The following PDE10A variants were observed in gnomAD, a reference collection of about 807,000 sequenced individuals.
The protein encoded by PDE10A is phosphodiesterase 10A, also known as cAMP and cAMP-inhibited cGMP 3',5'-cyclic phosphodiesterase 10A.
A neutral mutation model predicts 97.7 loss-of-function variants in PDE10A; 39 were observed. The ratio of observed to expected loss-of-function variants is 0.40; its 90% CI spans 0.31 to 0.52. The LOEUF is 0.52. PDE10A is among the 20% of genes least tolerant of loss of function. The pLI, the probability that PDE10A is intolerant of heterozygous loss-of-function variation, is 0.56. For synonymous variants in PDE10A, 371 were observed against 376.8 expected (o/e 0.98, Z 0.18); for missense variants, 731 against 1,047.8 (o/e 0.70, Z 4.17).
intron 1 of PDE10A, among the ~76,000 whole-genome samples, chr6:165,785,685 G>T (rs1434160095): frequency 6.6e-6 from 1 of 152,182 alleles, no homozygotes; most frequent in Non-Finnish European, 1.5e-5. Context: ...TAATTCAGAT[G>T]TCTTCCAAAA....
intron 1 of PDE10A, among the ~76,000 whole-genome samples, chr6:165,678,267 G>A (rs1303501634): frequency 1.1e-5 from 1 of 95,116 alleles, no homozygotes; most frequent in Non-Finnish European, 2.3e-5. Context: ...CGGTGTGTCT[G>A]TGTATGTGTG....
intron 2 of PDE10A, among the ~76,000 whole-genome samples, chr6:165,486,413 A>G (rs1367161008): frequency 6.6e-6 from 1 of 152,226 alleles, no homozygotes; most frequent in African/African-American, 2.4e-5. Context: ...TCTGTATATA[A>G]GTACTACATA....
intron 11 of PDE10A, among the ~76,000 whole-genome samples, chr6:165,417,683 C>A (rs1436199905): frequency 6.6e-6 from 1 of 152,096 alleles, no homozygotes; most frequent in Non-Finnish European, 1.5e-5. Context: ...AACCCAAGTA[C>A]CAATATAGTG....
At chr6:165,879,246 G>A (rs1781416696) in intron 1 of PDE10A, among the ~76,000 whole-genome samples, 1 of 152,190 alleles carries the variant, frequency 6.6e-6, no homozygotes, top group South Asian at 2.1e-4. Context: ...GGCCACCAAT[G>A]TATTACTTGA....
chr6:165,582,796 T>A (rs1290148478), intron 1 of PDE10A, among the ~76,000 whole-genome samples: 1 of 152,144 alleles, frequency 6.6e-6, no homozygotes, highest in Non-Finnish European at 1.5e-5. Flanking sequence ...TTTACTTAGT[T>A]GTCCTTTTCA....
At chr6:165,692,238 G>A (rs573709743) in intron 1 of PDE10A, among the ~76,000 whole-genome samples, 72 of 152,256 alleles carry the variant, frequency 4.7e-4, no homozygotes, top group African/African-American at 1.6e-3. Flanking sequence ...TAAGGGGAGC[G>A]CTGATAAGTC....
chr6:165,543,253 G>A (rs753566065), intron 2 of PDE10A, among the ~76,000 whole-genome samples, 187 bp downstream of exon 2: 4 of 151,822 alleles, frequency 2.6e-5, no homozygotes, highest in South Asian at 4.2e-4. Flanking sequence ...AATTAGTCAC[G>A]GATCTTTCTT....
chr6:165,566,554 G>A (rs548492047), intron 1 of PDE10A, among the ~76,000 whole-genome samples: 64 of 152,254 alleles, frequency 4.2e-4, no homozygotes, highest in African/African-American at 1.4e-3. Flanking sequence ...ATGAACGCCA[G>A]AAAACATAGG....
chr6:165,389,371 GATA>G (rs1436791610), intron 16 of PDE10A, among the ~76,000 whole-genome samples: 1 of 152,186 alleles, frequency 6.6e-6, no homozygotes, highest in Non-Finnish European at 1.5e-5. Flanking sequence ...TTTAGACCAG[GATA>G]ATAACAGTGA....
exon 1 of PDE10A, chr6:165,987,829 C>A: frequency 2.4e-6 from 1 of 423,884 alleles, no homozygotes; most frequent in Non-Finnish European, 4.7e-6. Flanking sequence ...TCCTCCTTCC[C>A]TCCTTTCCAT....
At chr6:165,500,582 T>C (rs1190415957) in intron 2 of PDE10A, among the ~76,000 whole-genome samples, 1 of 140,958 alleles carries the variant, frequency 7.1e-6, no homozygotes, top group Non-Finnish European at 1.5e-5. Context: ...GACCTCTGCC[T>C]AGGAAAGCCA....
At chr6:165,446,119 A>T (rs186923540) in intron 5 of PDE10A, among the ~76,000 whole-genome samples, 3 of 152,346 alleles carry the variant, frequency 2.0e-5, no homozygotes, top group African/African-American at 7.2e-5. Context: ...AAATAAATTT[A>T]AAAACAGTAT....
intron 1 of PDE10A, among the ~76,000 whole-genome samples, chr6:165,900,759 A>G (rs1340595707): frequency 6.6e-6 from 1 of 152,220 alleles, no homozygotes; most frequent in African/African-American, 2.4e-5. Flanking sequence ...GCTCGAGGCC[A>G]AATTCAATAA....
intron 1 of PDE10A, chr6:165,894,443 T>C (rs780313396): frequency 3.7e-5 from 17 of 455,782 alleles, no homozygotes; most frequent in Non-Finnish European, 6.2e-5. Flanking sequence ...GCATTCAGGC[T>C]CCAAAAAATC....
intron 1 of PDE10A, among the ~76,000 whole-genome samples, chr6:165,984,039 T>G (rs1785103695): frequency 6.6e-6 from 1 of 152,236 alleles, no homozygotes; most frequent in African/African-American, 2.4e-5. Context: ...CATTCCCAAC[T>G]CCATGGTAGT....
chr6:165,804,947 C>T (rs1344936287), intron 1 of PDE10A, among the ~76,000 whole-genome samples: 5 of 141,722 alleles, frequency 3.5e-5, no homozygotes, highest in Non-Finnish European at 7.7e-5. Context: ...ACGTGGGGAG[C>T]ATGGAGAGAC....
At chr6:165,476,485 T>C (rs1433282729) in intron 3 of PDE10A, among the ~76,000 whole-genome samples, 1 of 152,188 alleles carries the variant, frequency 6.6e-6, no homozygotes, top group Admixed American at 6.5e-5. Context: ...TGAGAGGTTC[T>C]AGAATGTGTA....
chr6:165,373,386 C>G (rs1020556508), intron 18 of PDE10A, among the ~76,000 whole-genome samples: 1 of 151,894 alleles, frequency 6.6e-6, no homozygotes, highest in Non-Finnish European at 1.5e-5. Context: ...ATTTACAAGA[C>G]AAAAACAAAC....
At chr6:165,502,307 C>T (rs1192014587) in intron 2 of PDE10A, among the ~76,000 whole-genome samples, 2 of 152,130 alleles carry the variant, frequency 1.3e-5, no homozygotes, top group Non-Finnish European at 2.9e-5. Context: ...TCAAGAGACA[C>T]TGTTAAGAAA....
Sources: allele counts gnomAD v4.1 joint callset (sites outside exome capture counted in the v4.1 genomes callset), GRCh38; gene constraint gnomAD v4.1.1; transcripts MANE v1.5; gene names NCBI Gene and HGNC (gene_info 2026-07-23, HGNC 2026-07-21).